Variants in MYO1E observed in about 807,000 individuals in gnomAD.
MYO1E encodes unconventional myosin-Ie.
A neutral mutation model predicts 151.1 loss-of-function variants in MYO1E; 68 were observed. The ratio of observed to expected loss-of-function variants is 0.45; its 90% CI spans 0.37 to 0.55. MYO1E has a LOEUF of 0.55. Among genes scored for constraint, MYO1E ranks in the 20% least tolerant of loss-of-function variants. The pLI, the probability that MYO1E is intolerant of heterozygous loss-of-function variation, is 0.00. For synonymous variants in MYO1E, 601 were observed against 501.7 expected (o/e 1.20, Z -2.64); for missense variants, 1,363 against 1,389.3 (o/e 0.98, Z 0.30).
At chr15:59,216,592 G>GTATCTATCTATCTATCTA (rs55698726) in intron 10 of MYO1E, among the ~76,000 whole-genome samples, 1,979 of 103,092 alleles carry the variant, frequency 0.019, 80 homozygotes, top group African/African-American at 0.062. Flanking sequence ...GTGTGTGTGT[G>GTATCTATCTATCTATCTA]TGTATCTATC....
intron 16 of MYO1E, among the ~76,000 whole-genome samples, chr15:59,195,973 T>C (rs547114517): frequency 1.3e-5 from 2 of 152,328 alleles, no homozygotes; most frequent in East Asian, 1.9e-4. Context: ...ATTAACTTTT[T>C]TTCCCCCAAA....
intron 1 of MYO1E, among the ~76,000 whole-genome samples, chr15:59,371,548 A>C (rs1447298884): frequency 6.6e-6 from 1 of 152,062 alleles, no homozygotes; most frequent in Non-Finnish European, 1.5e-5. Context: ...AAGGTTATAC[A>C]GGGAGGGAGG....
At chr15:59,228,731 T>G (rs549336098) in intron 6 of MYO1E, among the ~76,000 whole-genome samples, 2 of 152,216 alleles carry the variant, frequency 1.3e-5, no homozygotes, top group East Asian at 3.9e-4. Context: ...ATGTGTATGC[T>G]GACTAAATCC....
intron 9 of MYO1E, among the ~76,000 whole-genome samples, chr15:59,219,043 A>G (rs2079937567): frequency 6.6e-6 from 1 of 152,196 alleles, no homozygotes; most frequent in Admixed American, 6.5e-5. Flanking sequence ...GGGGCATTAT[A>G]AGAAGATTCC....
intron 1 of MYO1E, among the ~76,000 whole-genome samples, chr15:59,280,681 T>G (rs548550490): frequency 5.4e-4 from 82 of 151,252 alleles, no homozygotes; most frequent in Non-Finnish European, 9.1e-4. Context: ...TAACTGGCAG[T>G]TTTTTTTTAT....
intron 13 of MYO1E, 33 bp from the exon 14 acceptor site, chr15:59,208,881 C>A: frequency 6.2e-7 from 1 of 1,613,066 alleles, no homozygotes; most frequent in Non-Finnish European, 8.5e-7. Flanking sequence ...GCCCTAGTCA[C>A]TGACCTCTCC....
chr15:59,176,141 C>A lies in MYO1E; in HGVS notation c.2050-1901G>T, dbSNP rs541933338. Among the ~76,000 whole-genome samples, 3 of 152,318 alleles carry A rather than the reference C, an allele frequency of 2.0e-5. No individual in the cohort carries two copies. In the South Asian group the frequency reaches 6.2e-4, roughly 32 times the overall value. On this transcript the variant is annotated intron_variant, in intron 19 of 27. Transcript: ENST00000288235. The stretch of plus-strand genomic sequence containing the variant: ...TGGCGCGATCTCGGCCCACTGCAAG[C>A]TCTGCCTCCTGGGTTCACGCCATTC...
At chr15:59,364,028 T>G (rs1475557539) in intron 1 of MYO1E, among the ~76,000 whole-genome samples, 1 of 152,160 alleles carries the variant, frequency 6.6e-6, no homozygotes, top group African/African-American at 2.4e-5. Flanking sequence ...TCTGCCCTCC[T>G]CGGCCTCCCA....
rs1405092236 is a variant in MYO1E, at chr15:59,228,938, T to C, written c.511-1348A>G. Among the ~76,000 whole-genome samples, 5 of 152,312 alleles carry C rather than the reference T, an allele frequency of 3.3e-5. No homozygotes were observed. In the East Asian group the frequency reaches 9.6e-4, roughly 29 times the overall value. On this transcript the variant is annotated intron_variant, in intron 6 of 27. Transcript: ENST00000288235. ...CTGTCTATGTGTCTTAATCTGATGA[T>C]TCTTTTCCTCCAGGCAAAAAACAAA... is the stretch of plus-strand genomic sequence containing the variant.
intron 1 of MYO1E, among the ~76,000 whole-genome samples, chr15:59,363,853 A>G (rs1374335421): frequency 6.6e-6 from 1 of 152,090 alleles, no homozygotes; most frequent in Non-Finnish European, 1.5e-5. Flanking sequence ...TTGGTTCACC[A>G]CAACCTCTGC....
At chr15:59,354,024 A>G (rs1399299467) in intron 1 of MYO1E, among the ~76,000 whole-genome samples, 2 of 152,242 alleles carry the variant, frequency 1.3e-5, no homozygotes, top group Admixed American at 1.3e-4. Flanking sequence ...CCACACACTA[A>G]GAAAAACCCC....
At chr15:59,303,847 T>C (rs1186129229) in intron 1 of MYO1E, among the ~76,000 whole-genome samples, 1 of 152,174 alleles carries the variant, frequency 6.6e-6, no homozygotes, top group Non-Finnish European at 1.5e-5. Context: ...TCTGATAAAA[T>C]TAACAACAAC....
At chr15:59,355,206 G>A (rs192255535) in intron 1 of MYO1E, among the ~76,000 whole-genome samples, 3 of 152,090 alleles carry the variant, frequency 2.0e-5, no homozygotes, top group Admixed American at 2.0e-4. Flanking sequence ...CCTCTCCGTC[G>A]TGACTTTCCA....
At chr15:59,287,117 T>C (rs894880452) in intron 1 of MYO1E, among the ~76,000 whole-genome samples, 7 of 152,106 alleles carry the variant, frequency 4.6e-5, no homozygotes, top group African/African-American at 1.4e-4. Context: ...ATCCATACCT[T>C]GGACTTTAGG....
chr15:59,368,106 CA>C (rs2140445503), intron 1 of MYO1E, among the ~76,000 whole-genome samples: 1 of 151,676 alleles, frequency 6.6e-6, no homozygotes, highest in Non-Finnish European at 1.5e-5. Context: ...GCGACAAGAG[CA>C]AAACTCTGTC....
chr15:59,295,588 C>G (rs1465898085), intron 1 of MYO1E, among the ~76,000 whole-genome samples: 1 of 152,194 alleles, frequency 6.6e-6, no homozygotes, highest in African/African-American at 2.4e-5. Flanking sequence ...CTACTGTAGT[C>G]AGATCCCCAT....
At chr15:59,280,417 G>A (rs1365937190) in intron 1 of MYO1E, among the ~76,000 whole-genome samples, 5 of 152,078 alleles carry the variant, frequency 3.3e-5, no homozygotes, top group Non-Finnish European at 7.4e-5. Flanking sequence ...TTGAGGTCAG[G>A]AGTTCAAGAC....
At chr15:59,356,957 G>A (rs1417731718) in intron 1 of MYO1E, among the ~76,000 whole-genome samples, 1 of 137,436 alleles carries the variant, frequency 7.3e-6, no homozygotes, top group Admixed American at 7.3e-5. Flanking sequence ...CTAGGCTGGA[G>A]TGCAATGGCA....
intron 26 of MYO1E, among the ~76,000 whole-genome samples, chr15:59,141,112 G>A (rs571317906): frequency 7.2e-5 from 11 of 152,250 alleles, no homozygotes; most frequent in Admixed American, 2.0e-4. Flanking sequence ...GATACCAGAC[G>A]TCATGTGACT....
Sources: gnomAD v4.1 joint callset for allele counts (sites outside exome capture counted in the v4.1 genomes callset) on GRCh38, gnomAD v4.1.1 for gene constraint, MANE v1.5 for transcripts, NCBI Gene and HGNC (gene_info 2026-07-23, HGNC 2026-07-21) for gene names.